Variants in RGS6 observed in about 807,000 individuals in gnomAD.
RGS6 encodes the protein regulator of G-protein signaling 6.
A neutral mutation model predicts 78.5 loss-of-function variants in RGS6; 30 were observed. That is an observed-to-expected ratio of 0.38 (90% CI 0.29 to 0.52). RGS6 has a LOEUF of 0.52. Ranked by LOEUF, RGS6 falls within the 20% of genes least tolerant of loss-of-function variation. RGS6 has a pLI of 0.85. For missense variants in RGS6, 495 were observed against 609.7 expected, an observed-to-expected ratio of 0.81 and a Z score of 1.98; for synonymous variants, 206 against 206.0, an observed-to-expected ratio of 1.00 and a Z score of 0.00.
chr14:72,273,828 A>G (rs781081335), intron 2 of RGS6, among the ~76,000 whole-genome samples: 33 of 152,214 alleles, frequency 2.2e-4, no homozygotes, highest in Non-Finnish European at 3.7e-4. Context: ...TGCAAAAGCT[A>G]TCAATAAAGA....
At chr14:72,350,727 T>A (rs539260089) in intron 2 of RGS6, among the ~76,000 whole-genome samples, 1 of 152,098 alleles carries the variant, frequency 6.6e-6, no homozygotes, top group Admixed American at 6.6e-5. Flanking sequence ...CCACTGACAT[T>A]TGGGGGGTTA....
intron 12 of RGS6, among the ~76,000 whole-genome samples, chr14:72,485,978 C>G (rs370312788): frequency 1.3e-5 from 2 of 152,120 alleles, no homozygotes; most frequent in South Asian, 4.1e-4. Context: ...ATTGTAGTTC[C>G]CATAATCCCC....
At chr14:71,906,150 G>A in the RGS6 span, among the ~76,000 whole-genome samples, 393 of 152,328 alleles carry the variant, frequency 2.6e-3, 1 homozygote, top group African/African-American at 8.9e-3. Flanking sequence ...ACATTTCCCA[G>A]TGTTTATAGA....
At chr14:72,287,750 G>A (rs1368651707) in intron 2 of RGS6, among the ~76,000 whole-genome samples, 1 of 152,206 alleles carries the variant, frequency 6.6e-6, no homozygotes, top group Non-Finnish European at 1.5e-5. Flanking sequence ...GAGCCACCAC[G>A]CCCAGCCAAC....
At chr14:72,277,613 AT>A (rs55789033) in intron 2 of RGS6, among the ~76,000 whole-genome samples, 15 of 151,292 alleles carry the variant, frequency 9.9e-5, no homozygotes, top group African/African-American at 3.6e-4. Flanking sequence ...AAAAAAAAAA[AT>A]TTTAAATTTA....
intron 1 of RGS6, among the ~76,000 whole-genome samples, chr14:71,946,110 T>C (rs772410977): frequency 6.6e-6 from 1 of 152,160 alleles, no homozygotes; most frequent in African/African-American, 2.4e-5. Context: ...ATAAATATAT[T>C]GATTACATTT....
intron 2 of RGS6, among the ~76,000 whole-genome samples, chr14:72,058,191 A>T (rs1204995689): frequency 6.6e-6 from 1 of 152,122 alleles, no homozygotes; most frequent in Admixed American, 6.6e-5. Context: ...TGAGGCTTCA[A>T]CAGGGGTTTT....
chr14:72,075,960 G>A (rs1567155252), intron 2 of RGS6, among the ~76,000 whole-genome samples: 1 of 152,208 alleles, frequency 6.6e-6, no homozygotes, highest in Non-Finnish European at 1.5e-5. Context: ...GCTCTGGCTA[G>A]CCTTGATACA....
intron 2 of RGS6, among the ~76,000 whole-genome samples, chr14:72,036,059 C>T (rs1342783530): frequency 6.6e-6 from 1 of 152,050 alleles, no homozygotes; most frequent in Non-Finnish European, 1.5e-5. Flanking sequence ...TTAGCAAGCA[C>T]TACCCTGTTA....
At chr14:72,430,453 G>T (rs2094581724) in intron 3 of RGS6, among the ~76,000 whole-genome samples, 1 of 152,184 alleles carries the variant, frequency 6.6e-6, no homozygotes, top group Non-Finnish European at 1.5e-5. Flanking sequence ...GGTCAGGCCA[G>T]AATTCTCTTC....
At chr14:72,188,332 C>CT (rs1332920368) in intron 2 of RGS6, among the ~76,000 whole-genome samples, 3 of 152,184 alleles carry the variant, frequency 2.0e-5, no homozygotes, top group Non-Finnish European at 4.4e-5. Context: ...CTCCCCAGAG[C>CT]AATGCTTCAG....
rs545904974 is a variant in RGS6, at chr14:71,977,143, T to C, written c.84+12268T>C. Among the ~76,000 whole-genome samples the C allele has an allele frequency of 3.6e-5, 4 of 111,952 alleles. No homozygotes were observed. The Admixed American group carries it at 3.6e-4, about 10-fold the overall frequency. 73.4% of individuals were successfully genotyped at this position (111,952 alleles called of 152,430 possible). ...TTTCTTGTAAATTTGTTTGAGTTCA[T>C]TGTAGATTCTGGATATTAGCCCTTT... On this transcript the variant is annotated intron_variant, in intron 2 of 17. Coordinates refer to ENST00000553525, the MANE Select transcript of RGS6 (RefSeq NM_001204424.2).
intron 2 of RGS6, among the ~76,000 whole-genome samples, chr14:72,042,900 T>A (rs1379414305): frequency 6.6e-6 from 1 of 152,180 alleles, no homozygotes; most frequent in Non-Finnish European, 1.5e-5. Context: ...ATAAATGATT[T>A]TAGAACTTTT....
At position 72,562,885 on chromosome 14, in the gene RGS6, C is replaced by T. The variant is rs1205890164; in HGVS notation, c.*418C>T. On this transcript the variant is annotated 3_prime_UTR_variant, in exon 18 of 18. Coordinates refer to ENST00000553525, the MANE Select transcript of RGS6 (RefSeq NM_001204424.2). ...GGCAAATTCAAGAGGCATGAGTGGA[C>T]CGAGAGCACATCCAGCATTTGCATC... The T allele has an allele frequency of 8.7e-6, 7 of 808,466 alleles. No homozygotes were observed. In the South Asian group the frequency reaches 1.1e-4, roughly 12 times the overall value. The allele number at this position is 808,466 out of a possible 1,614,324, so 50.1% of individuals were successfully genotyped here.
the RGS6 span, chr14:72,619,438 C>G: frequency 6.7e-7 from 1 of 1,484,594 alleles, no homozygotes; most frequent in East Asian, 2.5e-5. Flanking sequence ...CTGGCCCTAA[C>G]TTCTTGTAAA....
chr14:72,361,083 C>CT lies in RGS6; in HGVS notation c.184+8908dup, dbSNP rs56251149. Among the ~76,000 whole-genome samples the CT allele has an allele frequency of 6.6e-3, 909 of 138,354 alleles. 8 individuals are homozygous for CT. Among genetic ancestry groups the CT allele is most frequent in the South Asian group, 0.011 (48 of 4,404 alleles). The allele number at this position is 138,354 out of a possible 152,430, so 90.8% of individuals were successfully genotyped here. A position where few individuals can be genotyped will look rare whatever the true frequency, so the allele number is the denominator to read the frequency against. ...ACGGAACTGTGATTCAATCAAACCT[C>CT]TTTTTTTTTTTTTTTTTTTCATAAA... On this transcript the variant is annotated intron_variant, in intron 3 of 17. Transcript: ENST00000553525.
chr14:72,325,108 G>A (rs2073347352), intron 2 of RGS6, among the ~76,000 whole-genome samples: 2 of 152,222 alleles, frequency 1.3e-5, no homozygotes, highest in Admixed American at 1.3e-4. Flanking sequence ...GATGGCCAGT[G>A]ATGATGAGCA....
intron 2 of RGS6, among the ~76,000 whole-genome samples, chr14:72,303,340 A>C (rs1367265657): frequency 6.6e-6 from 1 of 152,160 alleles, no homozygotes; most frequent in African/African-American, 2.4e-5. Flanking sequence ...ATCTCTACTA[A>C]AAATACAGAA....
At chr14:72,222,546 A>G (rs759566978) in intron 2 of RGS6, among the ~76,000 whole-genome samples, 8 of 152,244 alleles carry the variant, frequency 5.3e-5, no homozygotes, top group Non-Finnish European at 1.2e-4. Flanking sequence ...CATCACTTCG[A>G]TTCCATTTAA....
Sources: allele counts gnomAD v4.1 joint callset (sites outside exome capture counted in the v4.1 genomes callset), GRCh38; gene constraint gnomAD v4.1.1; transcripts MANE v1.5; gene names NCBI Gene and HGNC (gene_info 2026-07-23, HGNC 2026-07-21).